The following MMP26 variants were observed in gnomAD, a reference collection of about 807,000 sequenced individuals.
MMP26 encodes the protein matrix metalloproteinase-26.
MMP26 carries 33 observed loss-of-function variants against 31.0 expected under a neutral mutation model. The ratio of observed to expected loss-of-function variants is 1.06; its 90% CI spans 0.81 to 1.42. The LOEUF (loss-of-function observed/expected upper bound fraction) is 1.42. Among genes scored for constraint, MMP26 ranks in the 40% most tolerant of loss-of-function variants. The pLI is 0.00. For synonymous variants in MMP26, 122 were observed against 114.9 expected, an observed-to-expected ratio of 1.06 and a Z score of -0.40; for missense variants, 347 against 316.1, an observed-to-expected ratio of 1.10 and a Z score of -0.74.
chr11:4,865,849 A>G (rs772738747), intron 2 of MMP26, among the ~76,000 whole-genome samples: 10 of 152,168 alleles, frequency 6.6e-5, no homozygotes, highest in Admixed American at 6.6e-4. Context: ...AGCAGGAGTC[A>G]TCAGGACATT....
chr11:4,949,638 A>G (rs1589948472), intron 2 of MMP26, among the ~76,000 whole-genome samples: 2 of 122,650 alleles, frequency 1.6e-5, no homozygotes, highest in African/African-American at 5.5e-5. Flanking sequence ...TGTAACTTCT[A>G]TTTCAAGAAG....
chr11:4,789,246 A>G (rs1848988497), intron 2 of MMP26, among the ~76,000 whole-genome samples: 1 of 152,140 alleles, frequency 6.6e-6, no homozygotes, highest in African/African-American at 2.4e-5. Context: ...ATCAAGATGA[A>G]TTTCAGATTG....
chr11:4,992,191 G>GC (rs1554896113), intron 7 of MMP26, 23 bp from the exon 8 acceptor site: 1 of 1,493,748 alleles, frequency 6.7e-7, no homozygotes, highest in South Asian at 1.2e-5. Context: ...ATTTACTGTT[G>GC]TTTTTTTTTT....
chr11:4,976,070 C>G (rs1011513918), intron 2 of MMP26, among the ~76,000 whole-genome samples: 8 of 151,900 alleles, frequency 5.3e-5, no homozygotes, highest in South Asian at 2.1e-4. Flanking sequence ...TTTTATTTTG[C>G]TTTAAAAGAT....
At chr11:4,804,428 G>T in intron 2 of MMP26, 1 of 1,380,144 alleles carries the variant, frequency 7.2e-7, no homozygotes, top group Non-Finnish European at 1.0e-6. Flanking sequence ...ACTCTCTGCA[G>T]ATGATAACAA....
intron 2 of MMP26, among the ~76,000 whole-genome samples, chr11:4,904,259 A>G (rs190425034): frequency 5.3e-5 from 8 of 152,244 alleles, no homozygotes; most frequent in African/African-American, 1.9e-4. Context: ...CTGCTTAAGC[A>G]GCTTTCCCAG....
intron 2 of MMP26, among the ~76,000 whole-genome samples, chr11:4,885,453 G>C (rs1160729300): frequency 6.6e-6 from 1 of 152,030 alleles, no homozygotes; most frequent in Non-Finnish European, 1.5e-5. Context: ...ATACTTAACT[G>C]TATACAAAAA....
At chr11:4,974,385 T>C (rs1403731220) in intron 2 of MMP26, among the ~76,000 whole-genome samples, 2 of 152,032 alleles carry the variant, frequency 1.3e-5, no homozygotes, top group Admixed American at 6.6e-5. Flanking sequence ...AAAATATATG[T>C]ATATAGTGTC....
At chr11:4,879,568 C>A (rs577070163) in intron 2 of MMP26, among the ~76,000 whole-genome samples, 1 of 151,962 alleles carries the variant, frequency 6.6e-6, no homozygotes, top group East Asian at 1.9e-4. Context: ...TTTTAGACAG[C>A]GAAGTTATTA....
intron 2 of MMP26, among the ~76,000 whole-genome samples, chr11:4,852,290 AAAC>A (rs1357339799): frequency 1.3e-5 from 2 of 152,164 alleles, no homozygotes; most frequent in Non-Finnish European, 2.9e-5. Context: ...ATAATTGATA[AAAC>A]AATTGAAAAA....
intron 2 of MMP26, among the ~76,000 whole-genome samples, chr11:4,895,628 C>G (rs900829828): frequency 1.1e-4 from 16 of 152,176 alleles, no homozygotes; most frequent in African/African-American, 3.6e-4. Context: ...CAAGGGATAG[C>G]TGTAAGATTT....
intron 1 of MMP26, among the ~76,000 whole-genome samples, chr11:4,719,740 T>C (rs1847985948): frequency 2.0e-5 from 3 of 152,222 alleles, no homozygotes. Context: ...TTCTCAAGGA[T>C]ACCATTCTTT....
At chr11:4,902,364 C>T (rs1375196130) in intron 2 of MMP26, among the ~76,000 whole-genome samples, 5 of 151,932 alleles carry the variant, frequency 3.3e-5, no homozygotes, top group Admixed American at 1.3e-4. Flanking sequence ...CAAGTAAGAA[C>T]ACAGTATCTG....
At chr11:4,933,912 T>C (rs936576462) in intron 2 of MMP26, among the ~76,000 whole-genome samples, 4 of 149,192 alleles carry the variant, frequency 2.7e-5, no homozygotes, top group African/African-American at 9.9e-5. Context: ...CTCATCATTT[T>C]TTATGGCTGC....
chr11:4,946,345 G>A (rs1846304058), intron 2 of MMP26: 1 of 1,613,730 alleles, frequency 6.2e-7, no homozygotes, highest in African/African-American at 1.3e-5. Context: ...TGGGCAGGTA[G>A]AAGATGATCA....
In MMP26 at chr11:4,992,099, A is replaced by T. The variant is rs1847016046; in HGVS notation, c.731A>T (p.Asp244Val). The change falls in exon 7 of 8, where the codon GAT becomes GTT. Residue 244 changes from aspartate to valine, a missense_variant. Transcript: ENST00000380390. ...DPRTFQLSAD[D>V]IQRIQHLYGE... Reference sequence around the variant, plus strand: ...AGAACCTTCCAGCTCAGTGCCGATGATATCCAAAGGATCCAGCATTTGTAT... The same window carrying T: ...AGAACCTTCCAGCTCAGTGCCGATGTTATCCAAAGGATCCAGCATTTGTAT... 6.2e-7 allele frequency: 1 copy of T among 1,613,382 alleles called. No homozygotes were observed. Among genetic ancestry groups the T allele is most frequent in the Non-Finnish European group, 8.5e-7 (1 of 1,179,840 alleles).
At chr11:4,838,496 G>A (rs529071352) in intron 2 of MMP26, among the ~76,000 whole-genome samples, 24 of 151,982 alleles carry the variant, frequency 1.6e-4, no homozygotes, top group Non-Finnish European at 2.5e-4. Context: ...GTGTACATGG[G>A]GAATTGTAGA....
intron 2 of MMP26, among the ~76,000 whole-genome samples, chr11:4,977,117 T>C (rs953905384): frequency 2.0e-5 from 3 of 152,144 alleles, no homozygotes; most frequent in Non-Finnish European, 4.4e-5. Context: ...TTACTGTTAC[T>C]TAAAGATTTC....
intron 2 of MMP26, among the ~76,000 whole-genome samples, chr11:4,851,935 G>GAA (rs1849981370): frequency 6.6e-6 from 1 of 152,012 alleles, no homozygotes; most frequent in Admixed American, 6.6e-5. Context: ...AATGACAGGT[G>GAA]AAATTTCAAC....
Sources: gnomAD v4.1 joint callset for allele counts (sites outside exome capture counted in the v4.1 genomes callset) on GRCh38, gnomAD v4.1.1 for gene constraint, MANE v1.5 for transcripts, NCBI Gene and HGNC (gene_info 2026-07-23, HGNC 2026-07-21) for gene names.